Variants in R3HDM2 observed in about 807,000 individuals in gnomAD.
R3HDM2 encodes the protein R3H domain-containing protein 2.
Under a neutral mutation model 124.5 loss-of-function variants are expected in R3HDM2, and 38 were observed. The ratio of observed to expected loss-of-function variants is 0.31; its 90% CI spans 0.24 to 0.40. The LOEUF is 0.40. R3HDM2 is among the 10% of genes least tolerant of loss of function. The pLI is 1.00. For synonymous variants in R3HDM2, 391 were observed against 448.0 expected (o/e 0.87, Z 1.61); for missense variants, 869 against 1,236.9 (o/e 0.70, Z 4.46).
chr12:57,271,049 A>T (rs181580608), intron 14 of R3HDM2, among the ~76,000 whole-genome samples: 1 of 152,342 alleles, frequency 6.6e-6, no homozygotes, highest in Admixed American at 6.5e-5. Context: ...CTGTTTTTAT[A>T]ATAAAGGACC....
At chr12:57,295,290 T>C (rs1212028593) in intron 10 of R3HDM2, 109 bp downstream of exon 10, 1 of 740,350 alleles carries the variant, frequency 1.4e-6, no homozygotes, top group East Asian at 2.7e-5. Context: ...AATACATTTC[T>C]CCGTACTAAG....
At chr12:57,419,124 A>G (rs1594638245) in intron 1 of R3HDM2, among the ~76,000 whole-genome samples, 2 of 150,834 alleles carry the variant, frequency 1.3e-5, no homozygotes, top group Admixed American at 6.6e-5. Context: ...CCCCATATAT[A>G]CCATCCATAT....
chr12:57,384,128 G>A (rs1018226006), intron 2 of R3HDM2, among the ~76,000 whole-genome samples: 10 of 152,124 alleles, frequency 6.6e-5, no homozygotes, highest in Non-Finnish European at 1.5e-4. Context: ...TCGGGAGGTC[G>A]AGGCGGGTGG....
chr12:57,395,869 T>C (rs2067426593), intron 1 of R3HDM2, 51 bp from the exon 2 acceptor site: 3 of 822,768 alleles, frequency 3.6e-6, no homozygotes, highest in Non-Finnish European at 4.4e-6. Context: ...ATTTTAAACC[T>C]TAATATATTA....
intron 19 of R3HDM2, among the ~76,000 whole-genome samples, chr12:57,263,001 CATTA>C (rs952434093): frequency 6.6e-6 from 1 of 152,194 alleles, no homozygotes; most frequent in African/African-American, 2.4e-5. Context: ...GGGAAGCCTA[CATTA>C]ATTATCTCTT....
chr12:57,265,995 C>A (rs1334845463), intron 19 of R3HDM2, among the ~76,000 whole-genome samples: 3 of 152,060 alleles, frequency 2.0e-5, no homozygotes. Context: ...TGGGGTTTCA[C>A]CATGTTTGCC....
chr12:57,409,512 C>CA (rs71448520), intron 1 of R3HDM2, among the ~76,000 whole-genome samples: 35,652 of 97,828 alleles, frequency 0.36, 4,748 homozygotes, highest in South Asian at 0.51. Flanking sequence ...AGAGGTGGGG[C>CA]AAAAAAAAAA....
Position 57,254,458 on chromosome 12 carries a change from G to A in R3HDM2, c.*315C>T. The A allele has an allele frequency of 3.2e-6, 1 of 312,912 alleles. No individual in the cohort carries two copies. Among genetic ancestry groups the A allele is most frequent in the Non-Finnish European group, 5.8e-6 (1 of 171,090 alleles). 19.4% of individuals were successfully genotyped at this position (312,912 alleles called of 1,614,324 possible). ...GGAGGTTGCAGTTAGCCAAGATCGT[G>A]CTACTGCACTCCAGCTGGGGTGACA... On this transcript the variant is annotated 3_prime_UTR_variant, in exon 24 of 24. Coordinates refer to ENST00000402412, the MANE Select transcript of R3HDM2 (RefSeq NM_001394031.1).
chr12:57,308,576 C>A (rs2053256563), intron 3 of R3HDM2, among the ~76,000 whole-genome samples: 1 of 151,776 alleles, frequency 6.6e-6, no homozygotes, highest in Non-Finnish European at 1.5e-5. Flanking sequence ...ATCCCAACTA[C>A]TCGGGAGGCT....
At chr12:57,367,942 A>G (rs1295717467) in intron 2 of R3HDM2, among the ~76,000 whole-genome samples, 1 of 151,388 alleles carries the variant, frequency 6.6e-6, no homozygotes, top group Non-Finnish European at 1.5e-5. Context: ...AAATATATTT[A>G]TTTTATGTTC....
At chr12:57,416,931 GA>G (rs2069676839) in intron 1 of R3HDM2, among the ~76,000 whole-genome samples, 1 of 151,444 alleles carries the variant, frequency 6.6e-6, no homozygotes, top group African/African-American at 2.4e-5. Context: ...CCAACATGGT[GA>G]AACCCCATCT....
At chr12:57,356,278 A>T (rs1272367879) in intron 2 of R3HDM2, among the ~76,000 whole-genome samples, 3 of 149,018 alleles carry the variant, frequency 2.0e-5, no homozygotes, top group African/African-American at 4.9e-5. Context: ...TGAAGCCTGA[A>T]TTTTTTTTTT....
At chr12:57,344,074 C>T (rs756257044) in intron 2 of R3HDM2, among the ~76,000 whole-genome samples, 1 of 152,144 alleles carries the variant, frequency 6.6e-6, no homozygotes, top group Non-Finnish European at 1.5e-5. Context: ...TATGTGCATG[C>T]ATATATGTGC....
At chr12:57,293,136 T>C (rs1345585698) in intron 10 of R3HDM2, among the ~76,000 whole-genome samples, 1 of 152,198 alleles carries the variant, frequency 6.6e-6, no homozygotes, top group Non-Finnish European at 1.5e-5. Context: ...TTATTCCTTA[T>C]TTAGTCACTA....
At chr12:57,316,742 C>T (rs1439897453) in intron 2 of R3HDM2, among the ~76,000 whole-genome samples, 6 of 151,232 alleles carry the variant, frequency 4.0e-5, no homozygotes, top group African/African-American at 9.7e-5. Context: ...TGCACCACCA[C>T]GCCCAGCTAT....
chr12:57,297,310 T>G lies in R3HDM2; in HGVS notation c.560+18A>C. 1 of 1,378,046 alleles carries G rather than the reference T, an allele frequency of 7.3e-7. No individual in the cohort carries two copies. Among genetic ancestry groups the G allele is most frequent in the Non-Finnish European group, 1.0e-6 (1 of 995,002 alleles). 85.4% of individuals were successfully genotyped at this position (1,378,046 alleles called of 1,614,324 possible). ...CCCCCTCCCACCTCTAATTATATAT[T>G]TCATGCAAGTAACTTACTTGTTGTC... On this transcript the variant is annotated intron_variant, in intron 8 of 23. Coordinates refer to ENST00000402412, the MANE Select transcript of R3HDM2 (RefSeq NM_001394031.1).
At chr12:57,393,875 A>T (rs186207755) in intron 2 of R3HDM2, among the ~76,000 whole-genome samples, 109 of 152,328 alleles carry the variant, frequency 7.2e-4, no homozygotes, top group Middle Eastern at 3.4e-3. Context: ...GAAACCATGG[A>T]AGCTAAAATA....
At chr12:57,301,113 A>G (rs943409970) in intron 4 of R3HDM2, among the ~76,000 whole-genome samples, 1 of 152,080 alleles carries the variant, frequency 6.6e-6, no homozygotes, top group Non-Finnish European at 1.5e-5. Context: ...CAAAAAACCA[A>G]AAAACAAAAA....
At chr12:57,290,457 T>C (rs920433315) in intron 11 of R3HDM2, among the ~76,000 whole-genome samples, 5 of 152,204 alleles carry the variant, frequency 3.3e-5, no homozygotes, top group Non-Finnish European at 7.3e-5. Flanking sequence ...TAGGTGGCTG[T>C]TTAATCTTTA....
Sources: allele counts gnomAD v4.1 joint callset (sites outside exome capture counted in the v4.1 genomes callset), GRCh38; gene constraint gnomAD v4.1.1; transcripts MANE v1.5; gene names NCBI Gene and HGNC (gene_info 2026-07-23, HGNC 2026-07-21).